Variants in CLEC16A observed in about 807,000 individuals in gnomAD.
The protein encoded by CLEC16A is C-type lectin domain containing 16A, also known as protein CLEC16A.
CLEC16A carries 51 observed loss-of-function variants against 109.5 expected under a neutral mutation model. The ratio of observed to expected loss-of-function variants is 0.47; its 90% CI spans 0.37 to 0.59. The LOEUF (loss-of-function observed/expected upper bound fraction) is 0.59, where lower values mean the gene tolerates loss of function less well. Ranked by LOEUF, CLEC16A falls within the 20% of genes least tolerant of loss-of-function variation. CLEC16A has a pLI of 0.00. For missense variants in CLEC16A, 1,339 were observed against 1,394.0 expected, an observed-to-expected ratio of 0.96 and a Z score of 0.63; for synonymous variants, 673 against 564.2, an observed-to-expected ratio of 1.19 and a Z score of -2.73.
chr16:11,173,953 G>T (rs1005223855), intron 23 of CLEC16A, among the ~76,000 whole-genome samples: 2 of 152,118 alleles, frequency 1.3e-5, no homozygotes, highest in Admixed American at 6.5e-5. Context: ...CATCCTGGGG[G>T]TTGCATGGGG....
chr16:11,002,469 GT>G (rs1654105478), intron 10 of CLEC16A, among the ~76,000 whole-genome samples: 1 of 152,214 alleles, frequency 6.6e-6, no homozygotes, highest in Non-Finnish European at 1.5e-5. Context: ...GGTGGCATTT[GT>G]TTTGGAGATT....
intron 10 of CLEC16A, among the ~76,000 whole-genome samples, chr16:10,999,299 TA>T (rs1194703841): frequency 6.6e-6 from 1 of 152,136 alleles, no homozygotes; most frequent in African/African-American, 2.4e-5. Context: ...AGGTATAAAA[TA>T]AAAAAAGTGT....
At chr16:11,106,945 G>T (rs1212179064) in intron 19 of CLEC16A, among the ~76,000 whole-genome samples, 1 of 152,166 alleles carries the variant, frequency 6.6e-6, no homozygotes, top group East Asian at 1.9e-4. Flanking sequence ...AGCTTCCCCT[G>T]CATTCAGACC....
intron 11 of CLEC16A, among the ~76,000 whole-genome samples, chr16:11,010,855 G>T (rs1262459444): frequency 6.6e-6 from 1 of 151,900 alleles, no homozygotes. Flanking sequence ...ACTTTTTTTT[G>T]AGGAATACAG....
intron 22 of CLEC16A, among the ~76,000 whole-genome samples, chr16:11,138,399 C>G (rs2053668849): frequency 6.6e-6 from 1 of 152,128 alleles, no homozygotes; most frequent in African/African-American, 2.4e-5. Flanking sequence ...CCCCATGGTT[C>G]GAATTTTATC....
intron 19 of CLEC16A, among the ~76,000 whole-genome samples, chr16:11,083,966 C>A (rs1335602305): frequency 6.6e-6 from 1 of 152,192 alleles, no homozygotes; most frequent in Non-Finnish European, 1.5e-5. Context: ...CACAGCACTG[C>A]CTCTGTCCCA....
At position 10,982,942 on chromosome 16, in the gene CLEC16A, ATCTG is replaced by A. The variant is rs1282311022; in HGVS notation, c.1027_1030del (p.Ser343ArgfsTer35). ...TTAGCTGAAGTCATTCTGAATGGTGATCTGTCTGAGATGTACGCTAAGACTGAAC... is the reference window on the plus strand; with the variant it reads ...TTAGCTGAAGTCATTCTGAATGGTGATCTGAGATGTACGCTAAGACTGAAC... On this transcript the variant is annotated frameshift_variant, in exon 10 of 24. Transcript: ENST00000409790. LOFTEE classifies it high-confidence loss of function. 1 of 1,613,254 alleles carries A rather than the reference ATCTG, an allele frequency of 6.2e-7. No individual in the cohort carries two copies. Among genetic ancestry groups the A allele is most frequent in the Non-Finnish European group, 8.5e-7 (1 of 1,179,158 alleles).
At chr16:11,007,504 G>C (rs538497720) in intron 11 of CLEC16A, among the ~76,000 whole-genome samples, 1 of 152,212 alleles carries the variant, frequency 6.6e-6, no homozygotes, top group Non-Finnish European at 1.5e-5. Context: ...CTCTGGGCAA[G>C]TAATTGCCCT....
At chr16:11,048,184 A>C (rs527977303) in intron 17 of CLEC16A, 1 of 152,480 alleles carries the variant, frequency 6.6e-6, no homozygotes, top group Admixed American at 6.5e-5. Context: ...AGGACAGCCC[A>C]GCCCCGCATC....
In CLEC16A at chr16:11,024,855, A is replaced by G. The variant is rs1413914919; in HGVS notation, c.1471A>G (p.Ser491Gly). 9 of 1,608,762 alleles carry G rather than the reference A, an allele frequency of 5.6e-6. No individual in the cohort carries two copies. The highest frequency in any genetic ancestry group is 7.6e-6 in the Non-Finnish European group (9 of 1,177,626). ...FLDMVYHALDSPDDDYHALFV... is the reference protein window; with the variant it reads ...FLDMVYHALDGPDDDYHALFV... Reference sequence around the variant, plus strand: ...GGATATGGTGTACCACGCGCTGGACAGCCCGGATGATGATTACCATGCCCT... The same window carrying G: ...GGATATGGTGTACCACGCGCTGGACGGCCCGGATGATGATTACCATGCCCT... The change falls in exon 13 of 24, where the codon AGC becomes GGC. Residue 491 changes from serine to glycine, a missense_variant. Ser to Gly is a moderately conservative substitution (Grantham distance 56). Coordinates refer to ENST00000409790, the MANE Select transcript of CLEC16A (RefSeq NM_015226.3).
At chr16:10,953,940 G>A (rs1187369365) in intron 1 of CLEC16A, among the ~76,000 whole-genome samples, 2 of 149,794 alleles carry the variant, frequency 1.3e-5, no homozygotes, top group Admixed American at 1.3e-4. Context: ...TCGCACCACT[G>A]CACTCCAGCC....
intron 19 of CLEC16A, among the ~76,000 whole-genome samples, chr16:11,108,906 C>G (rs1027463691): frequency 3.3e-5 from 5 of 151,928 alleles, no homozygotes; most frequent in East Asian, 2.0e-4. Flanking sequence ...GTCAGGAGAT[C>G]GAGACCATCC....
At chr16:11,150,897 C>G (rs938815805) in intron 22 of CLEC16A, among the ~76,000 whole-genome samples, 1 of 152,144 alleles carries the variant, frequency 6.6e-6, no homozygotes, top group East Asian at 1.9e-4. Context: ...GAAGTATCAC[C>G]CCAGTCTTGC....
intron 15 of CLEC16A, 51 bp from the exon 16 acceptor site, chr16:11,043,977 G>T (rs2047492449): frequency 2.3e-5 from 34 of 1,485,310 alleles, no homozygotes; most frequent in Non-Finnish European, 3.0e-5. Flanking sequence ...TGCCCGACTT[G>T]CTCACCTATA....
In CLEC16A at chr16:11,174,237, G is replaced by A. The variant is rs966255889; in HGVS notation, c.2807-4098G>A. On this transcript the variant is annotated intron_variant, in intron 23 of 23. Coordinates refer to ENST00000409790, the MANE Select transcript of CLEC16A (RefSeq NM_015226.3). This position sits in a 1 kb window ranked among gnomAD's most constrained non-coding sequence, Gnocchi z 4.7. The stretch of plus-strand genomic sequence containing the variant: ...TGGCGGCCACTGGGTTTAGTGCTCC[G>A]AACGGCAGCTGCCACGGCACCTCAC... The A allele has an allele frequency of 1.7e-5, 8 of 467,582 alleles. No homozygotes were observed. Among genetic ancestry groups the A allele is most frequent in the Middle Eastern group, 3.2e-4 (1 of 3,096 alleles). The allele number at this position is 467,582 out of a possible 1,614,324, so 29.0% of individuals were successfully genotyped here. A position where few individuals can be genotyped will look rare whatever the true frequency, so the allele number is the denominator to read the frequency against.
chr16:11,147,060 A>G (rs1367806758), intron 22 of CLEC16A, among the ~76,000 whole-genome samples: 1 of 152,136 alleles, frequency 6.6e-6, no homozygotes, highest in Non-Finnish European at 1.5e-5. Context: ...AGGAGGAGGT[A>G]GAGGAAGAGC....
At chr16:11,140,369 C>T (rs182835984) in intron 22 of CLEC16A, among the ~76,000 whole-genome samples, 221 of 152,278 alleles carry the variant, frequency 1.5e-3, no homozygotes, top group Admixed American at 4.1e-3. Flanking sequence ...CTTAGTAACC[C>T]GGAAAATGCT....
intron 1 of CLEC16A, among the ~76,000 whole-genome samples, chr16:10,946,246 G>C (rs1481722556): frequency 6.6e-6 from 1 of 152,210 alleles, no homozygotes; most frequent in Non-Finnish European, 1.5e-5. Flanking sequence ...GAAGGGAGAC[G>C]GGGCTGTGGA....
At chr16:11,066,108 G>C (rs1225855774) in intron 19 of CLEC16A, among the ~76,000 whole-genome samples, 1 of 152,060 alleles carries the variant, frequency 6.6e-6, no homozygotes, top group East Asian at 1.9e-4. Context: ...CTGCTTGCCA[G>C]CTGTATTACC....
Sources: gnomAD v4.1 joint callset for allele counts (sites outside exome capture counted in the v4.1 genomes callset) on GRCh38, gnomAD v4.1.1 for gene constraint, Gnocchi (gnomAD v3.1) non-coding constraint, MANE v1.5 for transcripts, NCBI Gene and HGNC (gene_info 2026-07-23, HGNC 2026-07-21) for gene names.